The following COL18A1 variants were observed in gnomAD, a reference collection of about 807,000 sequenced individuals.
COL18A1 encodes collagen type XVIII alpha 1 chain, also known as collagen alpha-1(XVIII) chain.
A neutral mutation model predicts 168.0 loss-of-function variants in COL18A1; 133 were observed. The ratio of observed to expected loss-of-function variants is 0.79; its 90% CI spans 0.69 to 0.91. The LOEUF (loss-of-function observed/expected upper bound fraction) is 0.91, where lower values mean the gene tolerates loss of function less well. Among genes scored for constraint, COL18A1 ranks in the 40% least tolerant of loss-of-function variants. The pLI is 0.00. For synonymous variants in COL18A1, 949 were observed against 809.0 expected (o/e 1.17, Z -2.94); for missense variants, 2,126 against 1,925.4 (o/e 1.10, Z -1.95).
chr21:45,420,446 C>T (rs2033585598), intron 2 of COL18A1: 1 of 152,306 alleles, frequency 6.6e-6, no homozygotes, highest in Middle Eastern at 3.4e-3. Context: ...GCGACCCTGG[C>T]TCGTCCCCCT....
At chr21:45,439,335 G>C (rs2034304371) in intron 2 of COL18A1, among the ~76,000 whole-genome samples, 1 of 152,230 alleles carries the variant, frequency 6.6e-6, no homozygotes, top group Non-Finnish European at 1.5e-5. Flanking sequence ...CCTCTGGTGC[G>C]TGCCTCGTGT....
intron 37 of COL18A1, chr21:45,506,982 G>A (rs572696765): frequency 4.0e-5 from 11 of 275,358 alleles, no homozygotes; most frequent in East Asian, 2.8e-4. Flanking sequence ...GTAGGCACCC[G>A]GATGCAGCCC....
chr21:45,494,749 G>A, intron 27 of COL18A1, 113 bp from the exon 28 acceptor site: 2 of 1,264,782 alleles, frequency 1.6e-6, no homozygotes, highest in Non-Finnish European at 2.3e-6. Flanking sequence ...CCGAGCTGAT[G>A]GGTGGCCCAG....
chr21:45,507,595 T>C lies in COL18A1; in HGVS notation c.3249+2T>C. ...CGGACACCACTCCCACGAGGGACGG[T>C]AAGGAGCCTTTTTTCTGTTGAGACT... is the stretch of plus-strand genomic sequence containing the variant. On this transcript the variant is annotated splice_donor_variant, in intron 38 of 41. Transcript: ENST00000651438. LOFTEE classifies it high-confidence loss of function. 1 of 1,612,904 alleles carries C rather than the reference T, an allele frequency of 6.2e-7. No homozygotes were observed. Among genetic ancestry groups the C allele is most frequent in the Non-Finnish European group, 8.5e-7 (1 of 1,179,776 alleles).
intron 2 of COL18A1, among the ~76,000 whole-genome samples, chr21:45,428,491 C>T (rs987398707): frequency 2.3e-4 from 35 of 152,218 alleles, no homozygotes; most frequent in African/African-American, 7.5e-4. Context: ...AAATTCACAA[C>T]GCATAAAATT....
At chr21:45,430,038 G>T (rs749303029) in intron 2 of COL18A1, among the ~76,000 whole-genome samples, 1 of 122,658 alleles carries the variant, frequency 8.2e-6, no homozygotes, top group African/African-American at 3.6e-5. Context: ...TCTCCCTAGC[G>T]TTCTCTCGCC....
At chr21:45,446,617 C>T (rs993428535) in intron 2 of COL18A1, among the ~76,000 whole-genome samples, 2 of 152,190 alleles carry the variant, frequency 1.3e-5, no homozygotes, top group Non-Finnish European at 2.9e-5. Flanking sequence ...TTTCAAAAGA[C>T]TAGGAGAGTG....
intron 2 of COL18A1, among the ~76,000 whole-genome samples, chr21:45,411,804 A>AG (rs1250663720): frequency 1.5e-5 from 2 of 136,134 alleles, no homozygotes; most frequent in African/African-American, 5.7e-5. Flanking sequence ...CCTGCAGGAG[A>AG]GGGGAGGGCC....
At chr21:45,508,088 G>T (rs1332520371) in intron 38 of COL18A1, among the ~76,000 whole-genome samples, 1 of 146,168 alleles carries the variant, frequency 6.8e-6, no homozygotes, top group Non-Finnish European at 1.5e-5. Context: ...GGACAGGTGG[G>T]TGAGTGGATG....
chr21:45,418,775 T>TCAGGGAAGCGGCCC (rs2033531138), intron 2 of COL18A1, among the ~76,000 whole-genome samples: 4 of 57,712 alleles, frequency 6.9e-5, no homozygotes, highest in African/African-American at 1.6e-4. Flanking sequence ...CAAGGCTGTC[T>TCAGGGAAGCGGCCC]CTGCTTTAGC....
At chr21:45,428,114 G>A (rs967181357) in intron 2 of COL18A1, among the ~76,000 whole-genome samples, 2 of 152,234 alleles carry the variant, frequency 1.3e-5, no homozygotes, top group Non-Finnish European at 2.9e-5. Context: ...TCTGTGGGCA[G>A]CTCGAGTGTG....
At chr21:45,467,062 C>A (rs1162909924) in intron 2 of COL18A1, among the ~76,000 whole-genome samples, 2 of 152,270 alleles carry the variant, frequency 1.3e-5, no homozygotes, top group African/African-American at 4.8e-5. Context: ...GCCCCCAGAG[C>A]CCAGGCTCAG....
intron 32 of COL18A1, among the ~76,000 whole-genome samples, chr21:45,503,734 T>C (rs914887407): frequency 9.2e-5 from 14 of 151,796 alleles, no homozygotes; most frequent in Admixed American, 7.2e-4. Context: ...CATGTATACA[T>C]ATGTAACTAA....
intron 2 of COL18A1, among the ~76,000 whole-genome samples, chr21:45,408,892 A>G (rs1453893661): frequency 1.3e-5 from 2 of 152,198 alleles, no homozygotes; most frequent in Non-Finnish European, 2.9e-5. Flanking sequence ...GAGTGGGGCA[A>G]CACCTGAAAC....
At position 45,505,921 on chromosome 21, in the gene COL18A1, G is replaced by A. The variant is rs1488058894; in HGVS notation, c.3171G>A (p.Gln1057=). ...PEGWLIFVAE[Q]EELYVRVQNG... ...GCTGGCTCATCTTCGTGGCCGAGCA[G>A]GAGGAGCTCTACGTCCGCGTGCAGA... The change falls in exon 37 of 42, where the codon CAG becomes CAA. Residue 1057 remains glutamine, a synonymous_variant. Transcript: ENST00000651438. 1.9e-6 allele frequency: 3 copies of A among 1,613,198 alleles called. No individual in the cohort carries two copies.
At chr21:45,490,244 A>G in intron 19 of COL18A1, 31 bp from the exon 20 acceptor site, 10 of 1,551,090 alleles carry the variant, frequency 6.4e-6, no homozygotes, top group African/African-American at 1.4e-5. Flanking sequence ...CGTGTGGCCA[A>G]TGCCCTGCGT....
At position 45,510,100 on chromosome 21, in the gene COL18A1, G is replaced by A. The variant is rs369592585; in HGVS notation, c.3532G>A (p.Gly1178Ser). The A allele has an allele frequency of 1.8e-5, 29 of 1,590,258 alleles. No individual in the cohort carries two copies. The highest frequency in any genetic ancestry group is 6.9e-5 in the Admixed American group (4 of 57,936). Residue 1178 changes from glycine to serine, a missense_variant, in exon 40 of 42, where the codon GGC (glycine) becomes AGC (serine). Coordinates refer to ENST00000651438, the MANE Select transcript of COL18A1 (RefSeq NM_001379500.1). ...LVALNSPLSG[G>S]MRGIRGADFQ... ...TGCGCTCAACAGCCCCCTGTCAGGC[G>A]GCATGCGGGGCATCCGCGGGGCCGA...
rs1427603168 is a variant in COL18A1, at chr21:45,498,123, T to TC, written c.2683+468dup. ...CCCTGCTCCCCCAAAGGACAAGAAT[T>TC]CCCCCCTGAGCCCCACCTCCATTGA... On this transcript the variant is annotated intron_variant, in intron 32 of 41. Transcript: ENST00000651438. The surrounding 1 kb of genome is among the most constrained non-coding windows in gnomAD (Gnocchi z 4.5). The TC allele has an allele frequency of 2.5e-5, 16 of 630,534 alleles. No individual in the cohort carries two copies. The highest frequency in any genetic ancestry group is 4.6e-5 in the Non-Finnish European group (16 of 351,380). The allele number at this position is 630,534 out of a possible 1,614,324, so 39.1% of individuals were successfully genotyped here.
In COL18A1 at chr21:45,473,838, G is replaced by A. The variant is rs1487670909; in HGVS notation, c.652-57G>A. The A allele has an allele frequency of 7.1e-6, 10 of 1,403,774 alleles. No individual in the cohort carries two copies. The highest frequency in any genetic ancestry group is 4.9e-5 in the South Asian group (4 of 81,356). 87.0% of individuals were successfully genotyped at this position (1,403,774 alleles called of 1,614,324 possible). ...CGAAATCTGGAGCTCAAGCAGCACC[G>A]GGGTTGCCACTGCCACCTCAGGACC... On this transcript the variant is annotated intron_variant, in intron 3 of 41. Transcript: ENST00000651438. The surrounding 1 kb of genome is among the most constrained non-coding windows in gnomAD (Gnocchi z 4.0).
Sources: allele counts gnomAD v4.1 joint callset (sites outside exome capture counted in the v4.1 genomes callset), GRCh38; gene constraint gnomAD v4.1.1; non-coding constraint Gnocchi (gnomAD v3.1); transcripts MANE v1.5; gene names NCBI Gene and HGNC (gene_info 2026-07-23, HGNC 2026-07-21).